Variants in DYNC1I2 observed in about 807,000 individuals in gnomAD.
DYNC1I2 encodes dynein cytoplasmic 1 intermediate chain 2.
In DYNC1I2, 53 loss-of-function variants were observed where a neutral mutation model predicts 88.6. The ratio of observed to expected loss-of-function variants is 0.60; its 90% CI spans 0.48 to 0.75. The LOEUF (loss-of-function observed/expected upper bound fraction) is 0.75. Among genes scored for constraint, DYNC1I2 ranks in the 30% least tolerant of loss-of-function variants. The pLI is 0.00. For synonymous variants in DYNC1I2, 198 were observed against 254.6 expected (o/e 0.78, Z 2.12); for missense variants, 458 against 766.6 (o/e 0.60, Z 4.75).
chr2:171,725,857 A>T (rs1688217467), intron 8 of DYNC1I2, 62 bp from the exon 9 acceptor site: 9 of 1,434,448 alleles, frequency 6.3e-6, no homozygotes, highest in Middle Eastern at 1.8e-4. Context: ...CCATACTGTG[A>T]TAGTGAGTTG....
At chr2:171,701,836 C>T (rs894286315) in intron 3 of DYNC1I2, among the ~76,000 whole-genome samples, 3 of 152,104 alleles carry the variant, frequency 2.0e-5, no homozygotes, top group Admixed American at 1.3e-4. Context: ...TAATTTTCAA[C>T]AAAGGTTTTT....
At chr2:171,733,760 GT>G (rs201680261) in intron 15 of DYNC1I2, among the ~76,000 whole-genome samples, 3 of 134,970 alleles carry the variant, frequency 2.2e-5, no homozygotes, top group African/African-American at 5.9e-5. Context: ...TTTTTTAGGG[GT>G]TTTTTTGTTT....
At position 171,739,697 on chromosome 2, in the gene DYNC1I2, T is replaced by TCTCTCTC. The variant is rs1491211926; in HGVS notation, c.1537-4352_1537-4351insCTCTCTC. Among the ~76,000 whole-genome samples the TCTCTCTC allele has an allele frequency of 3.9e-3, 78 of 19,800 alleles. 2 individuals are homozygous for TCTCTCTC. The highest frequency in any genetic ancestry group is 7.6e-3 in the African/African-American group (71 of 9,288). 13.0% of individuals were successfully genotyped at this position (19,800 alleles called of 152,430 possible). A position where few individuals can be genotyped will look rare whatever the true frequency, so the allele number is the denominator to read the frequency against. ...CATCCATTTGCGATTGACATATCTC[T>TCTCTCTC]TTTTTTTTTTTTTTTTTTTTTTTTT... is the stretch of plus-strand genomic sequence containing the variant. On this transcript the variant is annotated intron_variant, in intron 15 of 17. Transcript: ENST00000397119.
At chr2:171,693,282 G>C (rs570321816) in intron 3 of DYNC1I2, among the ~76,000 whole-genome samples, 1 of 152,244 alleles carries the variant, frequency 6.6e-6, no homozygotes, top group East Asian at 1.9e-4. Flanking sequence ...TATATTGTTA[G>C]AATGCAAAAT....
At chr2:171,705,796 T>A (rs1686637018) in intron 3 of DYNC1I2, among the ~76,000 whole-genome samples, 1 of 152,108 alleles carries the variant, frequency 6.6e-6, no homozygotes, top group Non-Finnish European at 1.5e-5. Context: ...GGAAGCTATC[T>A]GGTCTTATAG....
chr2:171,736,714 A>T (rs1021743266), intron 15 of DYNC1I2, among the ~76,000 whole-genome samples: 8 of 152,170 alleles, frequency 5.3e-5, no homozygotes, highest in Non-Finnish European at 7.3e-5. Flanking sequence ...ATTTTAATAG[A>T]CACATTTGGT....
chr2:171,696,332 T>C (rs1685764807), intron 3 of DYNC1I2, among the ~76,000 whole-genome samples: 1 of 152,156 alleles, frequency 6.6e-6, no homozygotes, highest in South Asian at 2.1e-4. Context: ...AAAGAAATAC[T>C]GATTAGAGAA....
intron 2 of DYNC1I2, among the ~76,000 whole-genome samples, chr2:171,692,105 C>A (rs1461432190): frequency 6.6e-6 from 1 of 152,024 alleles, no homozygotes. Context: ...AAAACTTTTC[C>A]TTGGAAAGCT....
chr2:171,692,679 C>A, intron 2 of DYNC1I2, 98 bp from the exon 3 acceptor site: 2 of 751,432 alleles, frequency 2.7e-6, no homozygotes, highest in Non-Finnish European at 4.2e-6. Flanking sequence ...AAGTTCATGC[C>A]TTAAAAGTAT....
At chr2:171,701,635 T>C (rs748064051) in intron 3 of DYNC1I2, among the ~76,000 whole-genome samples, 8 of 152,338 alleles carry the variant, frequency 5.3e-5, no homozygotes, top group Non-Finnish European at 8.8e-5. Flanking sequence ...AGCTACTTTT[T>C]AAAATAAAAA....
At chr2:171,721,993 T>C (rs1687934065) in intron 7 of DYNC1I2, among the ~76,000 whole-genome samples, 1 of 152,186 alleles carries the variant, frequency 6.6e-6, no homozygotes, top group African/African-American at 2.4e-5. Context: ...ATTCAGAGTA[T>C]GCTTTGTGGC....
In DYNC1I2 at chr2:171,748,097, T is replaced by C. The variant is rs1689922864; in HGVS notation, c.*208T>C. The C allele has an allele frequency of 6.4e-6, 3 of 465,538 alleles. No individual in the cohort carries two copies. Among genetic ancestry groups the C allele is most frequent in the Non-Finnish European group, 1.2e-5 (3 of 260,258 alleles). 28.8% of individuals were successfully genotyped at this position (465,538 alleles called of 1,614,324 possible). A position where few individuals can be genotyped will look rare whatever the true frequency, so the allele number is the denominator to read the frequency against. ...TTGTGTCATTTTTTAATATAGCTGA[T>C]TGACTTCACAGAAAGCAGCTTTTTT... On this transcript the variant is annotated 3_prime_UTR_variant, in exon 18 of 18. Transcript: ENST00000397119.
At chr2:171,746,945 G>T (rs1689824355) in intron 17 of DYNC1I2, among the ~76,000 whole-genome samples, 1 of 151,950 alleles carries the variant, frequency 6.6e-6, no homozygotes, top group Admixed American at 6.6e-5. Context: ...TGTAATCCCA[G>T]CACTTTGGGA....
intron 15 of DYNC1I2, among the ~76,000 whole-genome samples, chr2:171,736,736 A>G (rs1312456103): frequency 6.6e-6 from 1 of 152,146 alleles, no homozygotes; most frequent in African/African-American, 2.4e-5. Flanking sequence ...TCAAAAAGTT[A>G]ATATATTCAG....
chr2:171,705,196 T>G (rs1194799891), intron 3 of DYNC1I2, among the ~76,000 whole-genome samples: 1 of 152,148 alleles, frequency 6.6e-6, no homozygotes, highest in Non-Finnish European at 1.5e-5. Flanking sequence ...TGTTAATGTA[T>G]CTGTTTATCT....
intron 3 of DYNC1I2, among the ~76,000 whole-genome samples, chr2:171,695,592 T>G (rs1008780281): frequency 2.0e-5 from 3 of 152,218 alleles, no homozygotes. Flanking sequence ...ACATTTTACT[T>G]ATCCATTCCC....
chr2:171,712,911 T>A, intron 6 of DYNC1I2, 85 bp downstream of exon 6: 1 of 1,142,720 alleles, frequency 8.8e-7, no homozygotes, highest in Non-Finnish European at 1.3e-6. Flanking sequence ...TGCTTAAGTT[T>A]ATAATATTGT....
intron 3 of DYNC1I2, 55 bp from the exon 4 acceptor site, chr2:171,706,492 A>G (rs1032751950): frequency 6.6e-5 from 98 of 1,490,214 alleles, no homozygotes; most frequent in East Asian, 5.4e-4. Flanking sequence ...GTATTTTTCT[A>G]TAAGAAGGGA....
intron 4 of DYNC1I2, 108 bp from the exon 5 acceptor site, chr2:171,707,179 G>T: frequency 1.3e-6 from 2 of 1,521,730 alleles, no homozygotes; most frequent in East Asian, 2.4e-5. Context: ...GTTTGCCATT[G>T]TTTTTTTCTT....
Sources: gnomAD v4.1 joint callset for allele counts (sites outside exome capture counted in the v4.1 genomes callset) on GRCh38, gnomAD v4.1.1 for gene constraint, MANE v1.5 for transcripts, NCBI Gene and HGNC (gene_info 2026-07-23, HGNC 2026-07-21) for gene names.